DDX19B: variants seen among roughly 807,000 people sequenced by gnomAD.
The protein encoded by DDX19B is DEAD-box helicase 19B, also known as ATP-dependent RNA helicase DDX19B.
DDX19B carries 27 observed loss-of-function variants against 58.1 expected under a neutral mutation model. The observed-to-expected ratio is 0.46, with a 90% CI of 0.34 to 0.64. The LOEUF is 0.64. Ranked by LOEUF, DDX19B falls within the 30% of genes least tolerant of loss-of-function variation. DDX19B has a pLI of 0.01. For missense variants in DDX19B, 399 were observed against 596.5 expected (o/e 0.67, Z 3.45); for synonymous variants, 187 against 214.4 (o/e 0.87, Z 1.12).
In DDX19B at chr16:70,316,078, G is replaced by A. The variant is rs779459626; in HGVS notation, c.270G>A (p.Ser90=). The part of the protein sequence containing the change: ...LQRDPNSPLY[S]VKSFEELRLK... Reference sequence around the variant, plus strand: ...GGGATCCAAACTCCCCTCTGTACTCGGTGAAGTCTTTTGAAGAGCTTCGGC... The same window carrying A: ...GGGATCCAAACTCCCCTCTGTACTCAGTGAAGTCTTTTGAAGAGCTTCGGC... The change falls in exon 4 of 12, where the codon TCG becomes TCA. Residue 90 remains serine (S), a synonymous_variant. Transcript: ENST00000288071. 2.1e-5 allele frequency: 34 copies of A among 1,613,920 alleles called. No individual in the cohort carries two copies. The highest frequency in any genetic ancestry group is 1.3e-4 in the East Asian group (6 of 44,888).
At chr16:70,316,210 A>ATTT in intron 4 of DDX19B, 106 bp downstream of exon 4, 1 of 1,322,878 alleles carries the variant, frequency 7.6e-7, no homozygotes, top group Non-Finnish European at 1.0e-6. Flanking sequence ...TAGCTAACCA[A>ATTT]GTTTTTTTTT....
At chr16:70,295,799 A>G (rs1190114826), upstream of DDX19B, among the ~76,000 whole-genome samples, 1 of 152,044 alleles carries the variant, frequency 6.6e-6, no homozygotes, top group African/African-American at 2.4e-5. Context: ...CAGGAGTTCA[A>G]GGATATAGTA....
At chr16:70,299,183 T>G, upstream of DDX19B, 1 of 1,382,586 alleles carries the variant, frequency 7.2e-7, no homozygotes, top group Non-Finnish European at 9.4e-7. Context: ...CCGCTTCCGG[T>G]CTGCAGCCTT....
At chr16:70,300,328 C>A (rs1351402984) in intron 1 of DDX19B, among the ~76,000 whole-genome samples, 1 of 151,992 alleles carries the variant, frequency 6.6e-6, no homozygotes, top group Non-Finnish European at 1.5e-5. Flanking sequence ...ACCTCAGCCT[C>A]CTGAGTAACT....
chr16:70,309,656 A>G (rs1194339374), intron 1 of DDX19B, among the ~76,000 whole-genome samples: 1 of 151,816 alleles, frequency 6.6e-6, no homozygotes, highest in African/African-American at 2.4e-5. Context: ...CGTCTCTACT[A>G]AAAATTCAAA....
intron 5 of DDX19B, chr16:70,319,858 C>A (rs986977048): frequency 6.6e-6 from 1 of 152,052 alleles, no homozygotes; most frequent in South Asian, 2.1e-4. Flanking sequence ...TGCCACTGCC[C>A]TCCAGCCTGA....
In DDX19B at chr16:70,335,258, T is replaced by C. The variant is rs1963659448; in HGVS notation, c.*1676T>C. On this transcript the variant is annotated 3_prime_UTR_variant, in exon 12 of 12. Coordinates refer to ENST00000288071, the MANE Select transcript of DDX19B (RefSeq NM_007242.7). ...GTCCTGTGGACCAACCCTGAAATAC[T>C]AAAAACAAGGGCAATAATTAAAGAA... 2 of 152,172 alleles carry C rather than the reference T, an allele frequency of 1.3e-5. No homozygotes were observed. The highest frequency in any genetic ancestry group is 2.9e-5 in the Non-Finnish European group (2 of 68,038). The allele number at this position is 152,172 out of a possible 1,614,324, so 9.4% of individuals were successfully genotyped here.
intron 5 of DDX19B, among the ~76,000 whole-genome samples, chr16:70,323,464 C>T (rs529459860): frequency 1.3e-5 from 2 of 149,016 alleles, no homozygotes; most frequent in African/African-American, 2.5e-5. Flanking sequence ...CGCTCTATCA[C>T]CCAGGCTGGA....
At chr16:70,303,579 C>T (rs758908729) in intron 1 of DDX19B, among the ~76,000 whole-genome samples, 5 of 152,140 alleles carry the variant, frequency 3.3e-5, no homozygotes, top group South Asian at 2.1e-4. Flanking sequence ...GTTTTTGAGA[C>T]GGAGGCTTGC....
chr16:70,328,268 T>G (rs1449101355), intron 7 of DDX19B, among the ~76,000 whole-genome samples: 1 of 152,058 alleles, frequency 6.6e-6, no homozygotes, highest in Non-Finnish European at 1.5e-5. Flanking sequence ...AGGCCAGTTC[T>G]GAAAAGTAAA....
chr16:70,290,103 T>TAC (rs1297466988), upstream of DDX19B: 4 of 236,978 alleles, frequency 1.7e-5, no homozygotes, highest in Non-Finnish European at 3.5e-5. Flanking sequence ...TATATATATA[T>TAC]ACATATACAT....
intron 7 of DDX19B, 152 bp downstream of exon 7, chr16:70,325,840 C>T: frequency 1.5e-6 from 1 of 670,240 alleles, no homozygotes; most frequent in Non-Finnish European, 2.5e-6. Context: ...ATTTGCTTTA[C>T]ATAAATGTAT....
intron 9 of DDX19B, among the ~76,000 whole-genome samples, chr16:70,331,475 A>T (rs1310838838): frequency 6.6e-6 from 1 of 152,222 alleles, no homozygotes; most frequent in Non-Finnish European, 1.5e-5. Flanking sequence ...TATTTGAAAG[A>T]AAAATTTTTT....
At chr16:70,306,642 G>A (rs1961768802) in intron 1 of DDX19B, among the ~76,000 whole-genome samples, 1 of 152,144 alleles carries the variant, frequency 6.6e-6, no homozygotes, top group Non-Finnish European at 1.5e-5. Flanking sequence ...ATTAACTCTT[G>A]CTGTTTTTAG....
At chr16:70,324,386 A>G (rs888992748) in intron 5 of DDX19B, among the ~76,000 whole-genome samples, 199 bp from the exon 6 acceptor site, 30 of 135,958 alleles carry the variant, frequency 2.2e-4, no homozygotes, top group Admixed American at 1.0e-3. Flanking sequence ...AAAAAAAAAA[A>G]AAGAAGAAGA....
upstream of DDX19B, among the ~76,000 whole-genome samples, chr16:70,292,306 T>C (rs1871913911): frequency 6.6e-6 from 1 of 151,062 alleles, no homozygotes. Flanking sequence ...CGCCCAGTTA[T>C]TTTTTTTTCT....
chr16:70,328,133 G>A (rs1433091300), intron 7 of DDX19B, among the ~76,000 whole-genome samples: 9 of 151,274 alleles, frequency 5.9e-5, no homozygotes, highest in African/African-American at 1.7e-4. Flanking sequence ...CAGCCTGGGC[G>A]ACAGAATGAG....
chr16:70,331,410 G>GT (rs1963472449), intron 9 of DDX19B, among the ~76,000 whole-genome samples: 1 of 152,144 alleles, frequency 6.6e-6, no homozygotes, highest in Non-Finnish European at 1.5e-5. Flanking sequence ...AGATACAAAA[G>GT]TAACAGCAGT....
upstream of DDX19B, among the ~76,000 whole-genome samples, chr16:70,292,444 GC>G (rs1961084789): frequency 6.6e-6 from 1 of 152,050 alleles, no homozygotes; most frequent in Non-Finnish European, 1.5e-5. Flanking sequence ...ATCGCGTCCG[GC>G]CCCCTTGTCT....
Sources: gnomAD v4.1 joint callset for allele counts (sites outside exome capture counted in the v4.1 genomes callset) on GRCh38, gnomAD v4.1.1 for gene constraint, MANE v1.5 for transcripts, NCBI Gene and HGNC (gene_info 2026-07-23, HGNC 2026-07-21) for gene names.